WNK1: variants seen among roughly 807,000 people sequenced by gnomAD.
WNK1 encodes the protein WNK lysine deficient protein kinase 1.
A neutral mutation model predicts 222.8 loss-of-function variants in WNK1; 38 were observed. The ratio of observed to expected loss-of-function variants is 0.17; its 90% CI spans 0.13 to 0.22. The LOEUF is 0.22. Ranked by LOEUF, WNK1 falls within the 10% of genes least tolerant of loss-of-function variation. The pLI is 1.00. For missense variants in WNK1, 2,348 were observed against 2,918.4 expected (o/e 0.80, Z 4.50); for synonymous variants, 1,090 against 1,092.9 (o/e 1.00, Z 0.05).
At position 820,782 on chromosome 12, in the gene WNK1, T is replaced by C. The variant is rs1947801496; in HGVS notation, c.933-6260T>C. On this transcript the variant is annotated intron_variant, in intron 2 of 27. Coordinates refer to ENST00000315939, the MANE Select transcript of WNK1 (RefSeq NM_018979.4). Reference sequence around the variant, plus strand: ...TGTGCCACCACACCTAGCCATTCTTTGGGATTTTTATATATTGGATCAAGT... The same window carrying C: ...TGTGCCACCACACCTAGCCATTCTTCGGGATTTTTATATATTGGATCAAGT... 1.3e-5 allele frequency among the ~76,000 whole-genome samples: 2 copies of C among 152,298 alleles called. 1 individual carries two copies. Among genetic ancestry groups the C allele is most frequent in the South Asian group, 4.2e-4 (2 of 4,818 alleles).
At chr12:777,496 A>G (rs1943247886) in intron 1 of WNK1, among the ~76,000 whole-genome samples, 1 of 152,098 alleles carries the variant, frequency 6.6e-6, no homozygotes, top group Non-Finnish European at 1.5e-5. Flanking sequence ...ATTTGTTTTT[A>G]TGTGAAAGAT....
intron 4 of WNK1, among the ~76,000 whole-genome samples, chr12:835,135 A>G (rs1023226930): frequency 5.3e-5 from 8 of 152,206 alleles, no homozygotes; most frequent in Non-Finnish European, 1.2e-4. Context: ...CCTGGGCAAC[A>G]TGATGAAACA....
At chr12:800,356 T>TTA (rs1228073878) in intron 1 of WNK1, among the ~76,000 whole-genome samples, 1 of 152,124 alleles carries the variant, frequency 6.6e-6, no homozygotes, top group Non-Finnish European at 1.5e-5. Context: ...TTATAATACT[T>TTA]TATATATAGA....
intron 8 of WNK1, among the ~76,000 whole-genome samples, chr12:862,586 T>C (rs1951301915): frequency 6.6e-6 from 1 of 152,174 alleles, no homozygotes; most frequent in African/African-American, 2.4e-5. Context: ...GTTTTGCGGG[T>C]GGGGCGAGAA....
At chr12:822,939 A>C (rs1282294933) in intron 2 of WNK1, among the ~76,000 whole-genome samples, 1 of 152,192 alleles carries the variant, frequency 6.6e-6, no homozygotes, top group African/African-American at 2.4e-5. Flanking sequence ...CTTTTAGGGA[A>C]AGTGTACTAC....
chr12:901,883 C>T (rs1955291393), intron 26 of WNK1, among the ~76,000 whole-genome samples: 1 of 152,086 alleles, frequency 6.6e-6, no homozygotes, highest in East Asian at 1.9e-4. Flanking sequence ...AGTGCTTCTT[C>T]ATGGATCTGT....
rs575326745 is a variant in WNK1 at position 819,003 on chromosome 12, CAT to C, written c.932+5190_932+5191del. On this transcript the variant is annotated intron_variant, in intron 2 of 27. Coordinates refer to ENST00000315939, the MANE Select transcript of WNK1 (RefSeq NM_018979.4). ...TATACTAGGAATGGAATTGCTGAGT[CAT>C]GTGGAAATCTTTGTTTAACTTTTTG... Among the ~76,000 whole-genome samples, 13 of 152,264 alleles carry C rather than the reference CAT, an allele frequency of 8.5e-5. No individual in the cohort carries two copies. In the South Asian group the frequency reaches 2.1e-3, roughly 24 times the overall value.
rs753382746 is a variant in WNK1, at chr12:907,874, C to T, written c.6671C>T (p.Ala2224Val). 3.1e-6 allele frequency: 5 copies of T among 1,613,776 alleles called. No homozygotes were observed. In the East Asian group the frequency reaches 1.1e-4, roughly 36 times the overall value. Residue 2224 changes from alanine (A) to valine (V), a missense_variant, in exon 27 of 28, where the codon GCA (alanine) becomes GTA (valine). Around this residue, in one of 13 missense-constraint regions of WNK1, gnomAD observed 1,144 missense variants for 1,273.6 expected, o/e 0.90. Coordinates refer to ENST00000315939, the MANE Select transcript of WNK1 (RefSeq NM_018979.4). ...ACCAGCAGCACAAACACTGTTGGGG[C>T]AACAGTGAACAGCCAAGCCGCCCAA... ...QGTSSTNTVGATVNSQAAQAQ... is the reference protein window; with the variant it reads ...QGTSSTNTVGVTVNSQAAQAQ...
intron 1 of WNK1, among the ~76,000 whole-genome samples, chr12:808,673 G>T (rs974634723): frequency 6.6e-6 from 1 of 151,844 alleles, no homozygotes; most frequent in African/African-American, 2.4e-5. Flanking sequence ...CATACTCTTG[G>T]CCCAGATTTG....
chr12:894,172 C>T (rs186006637), intron 22 of WNK1, among the ~76,000 whole-genome samples: 3 of 152,236 alleles, frequency 2.0e-5, no homozygotes, highest in South Asian at 2.1e-4. Context: ...GAGCTGAGAT[C>T]GCACCACTGC....
At chr12:757,632 T>G (rs1171925701) in intron 1 of WNK1, among the ~76,000 whole-genome samples, 2 of 149,378 alleles carry the variant, frequency 1.3e-5, no homozygotes, top group African/African-American at 4.8e-5. Context: ...ATTTTAATAT[T>G]TGGTTGTCTT....
intron 1 of WNK1, among the ~76,000 whole-genome samples, chr12:767,451 C>T (rs1162322887): frequency 1.3e-5 from 2 of 151,504 alleles, no homozygotes; most frequent in South Asian, 2.1e-4. Flanking sequence ...CGGGGTTTCA[C>T]CATATTGGTC....
intron 1 of WNK1, among the ~76,000 whole-genome samples, chr12:787,096 T>G (rs1944384479): frequency 1.3e-5 from 2 of 152,232 alleles, no homozygotes; most frequent in African/African-American, 2.4e-5. Flanking sequence ...AATGAAATTA[T>G]GTATTTTTCA....
Position 900,568 on chromosome 12 carries a change from C to T in WNK1, c.6541C>T (p.Leu2181=), listed in dbSNP as rs1470526469. Residue 2181 remains leucine (L), a synonymous_variant, in exon 26 of 28, where the codon CTG becomes TTG. Coordinates refer to ENST00000315939, the MANE Select transcript of WNK1 (RefSeq NM_018979.4). ...CATCCCAGAGTCCGGGCAGAATCAG[C>T]TGTTACAGCCCCTTAAGCCATCTCC... ...GNIPESGQNQ[L]LQPLKPSPSS... 6.2e-7 allele frequency: 1 copy of T among 1,614,100 alleles called. No homozygotes were observed. The highest frequency in any genetic ancestry group is 8.5e-7 in the Non-Finnish European group (1 of 1,180,046).
intron 1 of WNK1, among the ~76,000 whole-genome samples, chr12:782,670 AATTTTTAT>A (rs1364825652): frequency 1.3e-5 from 2 of 151,876 alleles, no homozygotes; most frequent in African/African-American, 4.8e-5. Flanking sequence ...ACGCCCAGCT[AATTTTTAT>A]ATTTTTATAG....
intron 25 of WNK1, among the ~76,000 whole-genome samples, chr12:899,134 G>T (rs1208124079): frequency 2.6e-5 from 4 of 152,122 alleles, no homozygotes; most frequent in Non-Finnish European, 4.4e-5. Flanking sequence ...GTAAAAGAAG[G>T]TTAAAATATG....
rs570442223 is a variant in WNK1, at chr12:898,256, A to G, written c.6448+575A>G. 9.3e-4 allele frequency among the ~76,000 whole-genome samples: 142 copies of G among 152,226 alleles called. 2 individuals are homozygous for G. The highest frequency in any genetic ancestry group is 7.5e-3 in the South Asian group (36 of 4,820). On this transcript the variant is annotated intron_variant, in intron 25 of 27. Transcript: ENST00000315939. ...TCCCAGAACTTTGGGAGGCTGAGGCAGGCAGATCACGAGGTCAGGAGATCA... is the reference window on the plus strand; with the variant it reads ...TCCCAGAACTTTGGGAGGCTGAGGCGGGCAGATCACGAGGTCAGGAGATCA...
intron 26 of WNK1, among the ~76,000 whole-genome samples, chr12:903,079 G>A (rs1224503760): frequency 1.3e-5 from 2 of 152,172 alleles, no homozygotes; most frequent in Non-Finnish European, 2.9e-5. Context: ...TAGATTTAAA[G>A]CGAAGCATAT....
chr12:810,972 A>G (rs1651890760), intron 1 of WNK1, among the ~76,000 whole-genome samples: 1 of 152,204 alleles, frequency 6.6e-6, no homozygotes, highest in South Asian at 2.1e-4. Flanking sequence ...AAACAACTTA[A>G]TGTAGATGGA....
Sources: gnomAD v4.1 joint callset for allele counts (sites outside exome capture counted in the v4.1 genomes callset) on GRCh38, gnomAD v4.1.1 for gene constraint, gnomAD v4.1.1 regional missense constraint, MANE v1.5 for transcripts, NCBI Gene and HGNC (gene_info 2026-07-23, HGNC 2026-07-21) for gene names.